CALD1: variants seen among roughly 807,000 people sequenced by gnomAD.
The protein encoded by CALD1 is caldesmon.
A neutral mutation model predicts 99.9 loss-of-function variants in CALD1; 33 were observed. The observed-to-expected ratio is 0.33, with a 90% CI of 0.25 to 0.44. The LOEUF is 0.44. Ranked by LOEUF, CALD1 falls within the 20% of genes least tolerant of loss-of-function variation. The pLI, the probability that CALD1 is intolerant of heterozygous loss-of-function variation, is 1.00. For synonymous variants in CALD1, 310 were observed against 325.0 expected, an observed-to-expected ratio of 0.95 and a Z score of 0.50; for missense variants, 861 against 962.1, an observed-to-expected ratio of 0.89 and a Z score of 1.39.
chr7:134,777,393 T>C (rs187087742), upstream of CALD1, among the ~76,000 whole-genome samples: 188 of 152,358 alleles, frequency 1.2e-3, no homozygotes, highest in South Asian at 3.9e-3. Flanking sequence ...TACTATTTTT[T>C]TTATCAAAAG....
At chr7:134,894,426 C>A (rs1220022286) in intron 3 of CALD1, among the ~76,000 whole-genome samples, 3 of 152,150 alleles carry the variant, frequency 2.0e-5, no homozygotes, top group Non-Finnish European at 4.4e-5. Flanking sequence ...TTTAAGTTTC[C>A]TATTATTGAG....
chr7:134,762,940 C>T (rs1223455452), intron 1 of CALD1, among the ~76,000 whole-genome samples: 1 of 152,148 alleles, frequency 6.6e-6, no homozygotes, highest in African/African-American at 2.4e-5. Context: ...TCATTCATCC[C>T]ATAACATTTT....
chr7:134,944,052 G>C (rs1304831870), intron 7 of CALD1, among the ~76,000 whole-genome samples: 1 of 152,160 alleles, frequency 6.6e-6, no homozygotes, highest in Non-Finnish European at 1.5e-5. Flanking sequence ...TTCCTGTACA[G>C]TAATATGATG....
At chr7:134,772,162 A>G (rs962145947) in intron 1 of CALD1, among the ~76,000 whole-genome samples, 5 of 150,452 alleles carry the variant, frequency 3.3e-5, no homozygotes, top group African/African-American at 1.2e-4. Context: ...TGGTGCAAAC[A>G]TGACTCACTG....
intron 1 of CALD1, among the ~76,000 whole-genome samples, chr7:134,838,228 C>T (rs1191142476): frequency 6.6e-6 from 1 of 152,016 alleles, no homozygotes; most frequent in Non-Finnish European, 1.5e-5. Context: ...TCCTTAATAA[C>T]ACAGAAAACA....
intron 3 of CALD1, among the ~76,000 whole-genome samples, chr7:134,870,727 C>CCTCT (rs139103344): frequency 2.0e-5 from 3 of 148,418 alleles, no homozygotes; most frequent in South Asian, 2.1e-4. Flanking sequence ...TTCCTTCCTT[C>CCTCT]CTCTCTCTCT....
At chr7:134,742,070 G>A (rs1796597101), upstream of CALD1, among the ~76,000 whole-genome samples, 1 of 148,980 alleles carries the variant, frequency 6.7e-6, no homozygotes, top group Admixed American at 6.7e-5. Context: ...TGTGATGTAT[G>A]TCTTGGCCCC....
At chr7:134,930,612 G>A (rs1231986738) in intron 4 of CALD1, among the ~76,000 whole-genome samples, 1 of 152,154 alleles carries the variant, frequency 6.6e-6, no homozygotes, top group African/African-American at 2.4e-5. Context: ...CTTCTAATTG[G>A]GGAGTAGGTA....
chr7:134,746,016 A>G (rs1796631992), intron 1 of CALD1, among the ~76,000 whole-genome samples: 1 of 152,174 alleles, frequency 6.6e-6, no homozygotes, highest in African/African-American at 2.4e-5. Flanking sequence ...GACTGAAGAG[A>G]ACCTATGGGA....
chr7:134,869,649 G>C (rs969243297), intron 3 of CALD1, among the ~76,000 whole-genome samples: 1 of 152,236 alleles, frequency 6.6e-6, no homozygotes, highest in Non-Finnish European at 1.5e-5. Context: ...TGAATCGTCA[G>C]AGAGGAGCAG....
chr7:134,919,573 G>T (rs564979112), intron 3 of CALD1, among the ~76,000 whole-genome samples: 1 of 152,296 alleles, frequency 6.6e-6, no homozygotes, highest in Non-Finnish European at 1.5e-5. Context: ...TTATTATTGA[G>T]AGCCCAAGTA....
At chr7:134,839,362 C>T (rs1244590229) in intron 1 of CALD1, among the ~76,000 whole-genome samples, 1 of 152,212 alleles carries the variant, frequency 6.6e-6, no homozygotes, top group African/African-American at 2.4e-5. Flanking sequence ...AATAGTACTG[C>T]TATGAACATT....
At chr7:134,874,918 G>A (rs1801276813) in intron 3 of CALD1, among the ~76,000 whole-genome samples, 1 of 152,148 alleles carries the variant, frequency 6.6e-6, no homozygotes, top group Non-Finnish European at 1.5e-5. Context: ...GCCAATGAAT[G>A]ATTATACAAC....
intron 1 of CALD1, among the ~76,000 whole-genome samples, chr7:134,831,453 G>A (rs192999909): frequency 7.9e-5 from 12 of 152,050 alleles, no homozygotes; most frequent in Middle Eastern, 3.4e-3. Context: ...CGAGTAGCTG[G>A]GATTACAGGT....
At chr7:134,729,886 C>T in the CALD1 span, among the ~76,000 whole-genome samples, 1 of 152,174 alleles carries the variant, frequency 6.6e-6, no homozygotes, top group Admixed American at 6.5e-5. Context: ...AGAAGGAAAG[C>T]TGCTGGGGTC....
At chr7:134,796,883 C>T (rs921806187) in intron 1 of CALD1, among the ~76,000 whole-genome samples, 4 of 152,134 alleles carry the variant, frequency 2.6e-5, no homozygotes, top group African/African-American at 9.7e-5. Flanking sequence ...ACCACACTGG[C>T]CCCATCCTCA....
upstream of CALD1, among the ~76,000 whole-genome samples, chr7:134,739,775 C>T (rs11762366): frequency 0.55 from 83,403 of 151,400 alleles, 24,625 homozygotes; most frequent in East Asian, 0.92. Context: ...AATAAGCTTC[C>T]GTTGTCTTAA....
intron 3 of CALD1, among the ~76,000 whole-genome samples, chr7:134,875,071 C>T (rs180839491): frequency 4.6e-4 from 70 of 152,292 alleles, no homozygotes; most frequent in Non-Finnish European, 8.7e-4. Context: ...AAGTTAAATA[C>T]GATATTCCTT....
intron 1 of CALD1, among the ~76,000 whole-genome samples, chr7:134,751,434 G>A (rs1796684992): frequency 6.6e-6 from 1 of 152,112 alleles, no homozygotes; most frequent in Admixed American, 6.5e-5. Flanking sequence ...TAGGAACCAT[G>A]TTCATAGGTT....
Sources: gnomAD v4.1 joint callset for allele counts (sites outside exome capture counted in the v4.1 genomes callset) on GRCh38, gnomAD v4.1.1 for gene constraint, MANE v1.5 for transcripts, NCBI Gene and HGNC (gene_info 2026-07-23, HGNC 2026-07-21) for gene names.